The following HPS3 variants were observed in gnomAD, a reference collection of about 807,000 sequenced individuals.
HPS3 encodes BLOC-2 complex member HPS3.
Under a neutral mutation model 110.9 loss-of-function variants are expected in HPS3, and 79 were observed. The observed-to-expected ratio is 0.71, with a 90% CI of 0.59 to 0.86. HPS3 has a LOEUF of 0.86. Among genes scored for constraint, HPS3 ranks in the 40% least tolerant of loss-of-function variants. The probability of loss-of-function intolerance (pLI) is 0.00; values close to 1 mark genes in which losing one functional copy is unlikely to be tolerated. For missense variants in HPS3, 1,197 were observed against 1,206.2 expected (o/e 0.99, Z 0.11); for synonymous variants, 428 against 451.0 (o/e 0.95, Z 0.65).
chr3:149,141,046 T>C lies in HPS3; in HGVS notation c.742T>C (p.Ser248Pro), dbSNP rs1722410527. 17 of 1,613,920 alleles carry C rather than the reference T, an allele frequency of 1.1e-5. No individual in the cohort carries two copies. Among genetic ancestry groups the C allele is most frequent in the Non-Finnish European group, 1.4e-5 (16 of 1,179,948 alleles). ...GISNEISQLE[S>P]DDFVICQKPL... ...CAGTAATGAAATTTCACAGCTTGAG[T>C]CAGATGATTTTGTCATCTGCCAGAA... The change falls in exon 3 of 17, where the codon TCA (serine) becomes CCA (proline). Residue 248 changes from serine (S) to proline (P), a missense_variant. Coordinates refer to ENST00000296051, the MANE Select transcript of HPS3 (RefSeq NM_032383.5).
chr3:149,134,909 G>A (rs1286581012), intron 1 of HPS3, among the ~76,000 whole-genome samples: 1 of 152,112 alleles, frequency 6.6e-6, no homozygotes, highest in African/African-American at 2.4e-5. Context: ...ACCCACAAAT[G>A]AACATAAATA....
Position 149,155,206 on chromosome 3 carries a change from C to T in HPS3, c.1500C>T (p.Tyr500=), listed in dbSNP as rs1173829042. Reference sequence around the variant, plus strand: ...ATACGATCTCACCAGTGCAGCTGTACAAAGAGATGGTACTCTTTTCAAACT... The same window carrying T: ...ATACGATCTCACCAGTGCAGCTGTATAAAGAGATGGTACTCTTTTCAAACT... ...IVNTISPVQL[Y]KEMVDYSNTY... The change falls in exon 8 of 17, where the codon TAC becomes TAT. Residue 500 remains tyrosine (Y), a synonymous_variant. Coordinates refer to ENST00000296051, the MANE Select transcript of HPS3 (RefSeq NM_032383.5). 6.7e-7 allele frequency: 1 copy of T among 1,489,978 alleles called. No homozygotes were observed. Among genetic ancestry groups the T allele is most frequent in the East Asian group, 2.3e-5 (1 of 44,316 alleles). 92.3% of individuals were successfully genotyped at this position (1,489,978 alleles called of 1,614,324 possible).
At chr3:149,170,510 C>T (rs1397922100) in intron 16 of HPS3, 1 of 152,100 alleles carries the variant, frequency 6.6e-6, no homozygotes, top group African/African-American at 2.4e-5. Flanking sequence ...GCAGACAGTA[C>T]CACTACATTA....
chr3:149,145,564 C>G lies in HPS3; in HGVS notation c.1163+18C>G. 1 of 1,602,508 alleles carries G rather than the reference C, an allele frequency of 6.2e-7. No individual in the cohort carries two copies. Among genetic ancestry groups the G allele is most frequent in the Non-Finnish European group, 8.6e-7 (1 of 1,169,336 alleles). On this transcript the variant is annotated intron_variant, in intron 5 of 16. Transcript: ENST00000296051. Reference sequence around the variant, plus strand: ...ATTACAAGGTACTGTTAGAGGGTCACTTGCTGGCCTGTGAGTCACTTATTT... The same window carrying G: ...ATTACAAGGTACTGTTAGAGGGTCAGTTGCTGGCCTGTGAGTCACTTATTT...
intron 1 of HPS3, chr3:149,130,431 T>C (rs1470216269): frequency 6.1e-6 from 1 of 163,112 alleles, no homozygotes; most frequent in Non-Finnish European, 1.4e-5. Flanking sequence ...AAGCTCACAT[T>C]ATGTGTTGAT....
chr3:149,163,030 G>A (rs1724046647), intron 13 of HPS3, 152 bp downstream of exon 13: 2 of 702,420 alleles, frequency 2.8e-6, no homozygotes, highest in Non-Finnish European at 4.9e-6. Flanking sequence ...CTTAAAATTT[G>A]TCTTTAACTG....
At chr3:149,153,680 C>T (rs1723274491) in intron 7 of HPS3, 32 bp downstream of exon 7, 2 of 1,608,416 alleles carry the variant, frequency 1.2e-6, no homozygotes, top group African/African-American at 2.7e-5. Flanking sequence ...GCATTCCTGC[C>T]AGTTTCTGGA....
intron 4 of HPS3, 88 bp from the exon 5 acceptor site, chr3:149,145,266 C>G (rs1722721383): frequency 2.0e-6 from 2 of 999,238 alleles, no homozygotes; most frequent in Admixed American, 1.8e-5. Context: ...CCCACTGATA[C>G]AGTTTGCATA....
intron 1 of HPS3, among the ~76,000 whole-genome samples, chr3:149,130,774 AAAAC>A (rs1053491354): frequency 8.1e-4 from 123 of 152,298 alleles, no homozygotes; most frequent in African/African-American, 2.9e-3. Flanking sequence ...AAAACAAACA[AAAAC>A]AAACAGTTGT....
At chr3:149,159,042 C>T (rs368205733) in intron 10 of HPS3, among the ~76,000 whole-genome samples, 196 bp downstream of exon 10, 2 of 152,256 alleles carry the variant, frequency 1.3e-5, no homozygotes, top group East Asian at 3.9e-4. Flanking sequence ...GGATAATCTT[C>T]TCATACTTTC....
Position 149,145,516 on chromosome 3 carries a change from T to G in HPS3, c.1133T>G (p.Leu378Arg), listed in dbSNP as rs1313494594. Residue 378 changes from leucine (L) to arginine (R), a missense_variant, in exon 5 of 17, where the codon CTC (leucine) becomes CGC (arginine). Leu to Arg is a moderately radical substitution (Grantham distance 102). Coordinates refer to ENST00000296051, the MANE Select transcript of HPS3 (RefSeq NM_032383.5). ...QYPEKSQQAV[L>R]TPQFLHVITS... Reference sequence around the variant, plus strand: ...CCTGAAAAGTCTCAGCAGGCAGTACTCACGCCACAATTTTTGCACGTCATT... The same window carrying G: ...CCTGAAAAGTCTCAGCAGGCAGTACGCACGCCACAATTTTTGCACGTCATT... 1 of 1,614,028 alleles carries G rather than the reference T, an allele frequency of 6.2e-7. No homozygotes were observed. The highest frequency in any genetic ancestry group is 8.5e-7 in the Non-Finnish European group (1 of 1,180,002).
At chr3:149,134,380 G>C (rs1721954142) in intron 1 of HPS3, among the ~76,000 whole-genome samples, 1 of 151,454 alleles carries the variant, frequency 6.6e-6, no homozygotes, top group Admixed American at 6.5e-5. Context: ...GTGTGTGAGA[G>C]AGAGAAAGAA....
Position 149,150,460 on chromosome 3 carries a change from A to C in HPS3, c.1164-139A>C, listed in dbSNP as rs2254913. 470,194 of 710,720 alleles carry C rather than the reference A, an allele frequency of 0.66. 158,619 individuals are homozygous for C. Among genetic ancestry groups the C allele is most frequent in the African/African-American group, 0.86 (49,071 of 57,278 alleles). The allele number at this position is 710,720 out of a possible 1,614,324, so 44.0% of individuals were successfully genotyped here. On this transcript the variant is annotated intron_variant, in intron 5 of 16. Transcript: ENST00000296051. Reference sequence around the variant, plus strand: ...CTGAGGCATTCCTCTTATTGAGAAGAAGTTTAACTTGGCAATATTTGACAA... The same window carrying C: ...CTGAGGCATTCCTCTTATTGAGAAGCAGTTTAACTTGGCAATATTTGACAA...
At chr3:149,149,571 C>A (rs1269144255) in intron 5 of HPS3, among the ~76,000 whole-genome samples, 1 of 152,160 alleles carries the variant, frequency 6.6e-6, no homozygotes, top group African/African-American at 2.4e-5. Flanking sequence ...AGCCTCCTAA[C>A]TGAAAATATC....
chr3:149,172,324 A>ACG lies in HPS3; in HGVS notation c.*103_*104insGC. 1.6e-6 allele frequency: 1 copy of ACG among 643,420 alleles called. No individual in the cohort carries two copies. Among genetic ancestry groups the ACG allele is most frequent in the South Asian group, 1.7e-5 (1 of 57,376 alleles). 39.9% of individuals were successfully genotyped at this position (643,420 alleles called of 1,614,324 possible). On this transcript the variant is annotated 3_prime_UTR_variant, in exon 17 of 17. Coordinates refer to ENST00000296051, the MANE Select transcript of HPS3 (RefSeq NM_032383.5). ...GAGTTTTTTATTTTATATATCACACACACACACACACACACACACACACAC... is the reference window on the plus strand; with the variant it reads ...GAGTTTTTTATTTTATATATCACACACGCACACACACACACACACACACACAC...
chr3:149,170,877 A>G (rs1436516350), intron 16 of HPS3, among the ~76,000 whole-genome samples: 1 of 152,194 alleles, frequency 6.6e-6, no homozygotes, highest in Non-Finnish European at 1.5e-5. Context: ...AACATTGTTC[A>G]TAACTGTCAC....
chr3:149,145,842 G>T (rs1210339852), intron 5 of HPS3, among the ~76,000 whole-genome samples: 2 of 152,178 alleles, frequency 1.3e-5, no homozygotes, highest in Non-Finnish European at 2.9e-5. Flanking sequence ...AGTCAATGCA[G>T]CCAGTCAGAG....
At chr3:149,148,949 CTTTTTTTT>C (rs140573513) in intron 5 of HPS3, among the ~76,000 whole-genome samples, 3 of 102,452 alleles carry the variant, frequency 2.9e-5, no homozygotes, top group African/African-American at 3.7e-5. Context: ...GGAACCCTGC[CTTTTTTTT>C]TTTTTTTTTT....
At chr3:149,156,345 C>T (rs1240646370) in intron 8 of HPS3, among the ~76,000 whole-genome samples, 3 of 152,148 alleles carry the variant, frequency 2.0e-5, no homozygotes, top group African/African-American at 7.2e-5. Flanking sequence ...GTTTATGGTT[C>T]ATAGTCTAAT....
Sources: gnomAD v4.1 joint callset for allele counts (sites outside exome capture counted in the v4.1 genomes callset) on GRCh38, gnomAD v4.1.1 for gene constraint, MANE v1.5 for transcripts, NCBI Gene and HGNC (gene_info 2026-07-23, HGNC 2026-07-21) for gene names.